Variants in AOC2 observed in about 807,000 individuals in gnomAD.
The protein encoded by AOC2 is amine oxidase [copper-containing] 2.
A neutral mutation model predicts 53.8 loss-of-function variants in AOC2; 57 were observed. The ratio of observed to expected loss-of-function variants is 1.06; its 90% confidence interval spans 0.86 to 1.32. The LOEUF is 1.32. AOC2 is among the 40% of genes most tolerant of loss of function. AOC2 has a pLI of 0.00. For synonymous variants in AOC2, 404 were observed against 399.0 expected (o/e 1.01, Z -0.15); for missense variants, 1,008 against 957.2 (o/e 1.05, Z -0.70).
At position 42,844,699 on chromosome 17, in the gene AOC2, C is replaced by T. The variant is rs1316883456; in HGVS notation, c.73C>T (p.Leu25=). Residue 25 remains leucine (L), a synonymous_variant, in exon 1 of 4, where the codon CTG becomes TTG. Transcript: ENST00000253799. ...CATCTTTGCCCTGGCCTATGTTTTG[C>T]TGACCAGCCCAGGTGGTTCCAGCCA... ...ITIFALAYVL[L]TSPGGSSQPP... 6.2e-7 allele frequency: 1 copy of T among 1,614,214 alleles called. No individual in the cohort carries two copies. The highest frequency in any genetic ancestry group is 8.5e-7 in the Non-Finnish European group (1 of 1,180,024).
chr17:42,846,842 G>C (rs1278872040), intron 1 of AOC2, among the ~76,000 whole-genome samples: 1 of 152,184 alleles, frequency 6.6e-6, no homozygotes, highest in Non-Finnish European at 1.5e-5. Flanking sequence ...AGCACACAGA[G>C]GACTTGCTGT....
At chr17:42,848,946 C>T in intron 1 of AOC2, 140 bp from the exon 2 acceptor site, 1 of 958,170 alleles carries the variant, frequency 1.0e-6, no homozygotes, top group Non-Finnish European at 1.5e-6. Context: ...GCCCAGACCT[C>T]CTGGCTCCCA....
chr17:42,844,992 C>T lies in AOC2; in HGVS notation c.366C>T (p.Ala122=), dbSNP rs1488655805. The change falls in exon 1 of 4, where the codon GCC becomes GCT. Residue 122 remains alanine (A), a synonymous_variant. Coordinates refer to ENST00000253799, the MANE Select transcript of AOC2 (RefSeq NM_009590.4). The stretch of plus-strand genomic sequence containing the variant: ...CCCCACCTGCCCGGGAGGCACTGGC[C>T]ATCGTCCTCTTTGGTGGACAACCCC... The part of the protein sequence containing the change: ...GSPPPAREAL[A]IVLFGGQPQP... The T allele has an allele frequency of 1.2e-6, 2 of 1,612,154 alleles. No homozygotes were observed. Among genetic ancestry groups the T allele is most frequent in the East Asian group, 4.5e-5 (2 of 44,834 alleles).
At chr17:42,848,976 T>C in intron 1 of AOC2, 110 bp from the exon 2 acceptor site, 1 of 1,182,786 alleles carries the variant, frequency 8.5e-7, no homozygotes, top group East Asian at 2.6e-5. Context: ...GCTCTGATGC[T>C]CTCTCTGCCT....
Position 42,849,184 on chromosome 17 carries a change from C to G in AOC2, c.1687C>G (p.Gln563Glu), listed in dbSNP as rs2055623567. ...HWLQRPQLTRQVLGKEDLTAF... is the reference protein window; with the variant it reads ...HWLQRPQLTREVLGKEDLTAF... ...GCTACAGCGCCCACAGCTGACTCGG[C>G]AGGTCCTGGGAAAGGAGGACCTGAC... The change falls in exon 2 of 4, where the codon CAG becomes GAG. Residue 563 changes from glutamine to glutamate, a missense_variant. Gln to Glu is a conservative substitution (Grantham distance 29). Transcript: ENST00000253799. 5.0e-6 allele frequency: 8 copies of G among 1,614,078 alleles called. No homozygotes were observed. The highest frequency in any genetic ancestry group is 6.8e-6 in the Non-Finnish European group (8 of 1,180,042).
intron 3 of AOC2, 67 bp from the exon 4 acceptor site, chr17:42,849,996 CTGAGACTGGAGGCTGGGAT>C: frequency 1.3e-6 from 2 of 1,535,500 alleles, no homozygotes; most frequent in Non-Finnish European, 1.8e-6. Context: ...GGAAGCCAGG[CTGAGACTGGAGGCTGGGAT>C]TGTGACTGAA....
intron 1 of AOC2, among the ~76,000 whole-genome samples, chr17:42,846,600 T>C (rs2055601505): frequency 6.7e-6 from 1 of 150,194 alleles, no homozygotes; most frequent in East Asian, 2.0e-4. Flanking sequence ...TCAGTAGGGG[T>C]GGGGAGGGCA....
At position 42,850,328 on chromosome 17, in the gene AOC2, T is replaced by G. The variant is rs752308610; in HGVS notation, c.2251T>G (p.Phe751Val). ...LAACVPDLPPFSYHGF is the reference protein window; with the variant it reads ...LAACVPDLPPVSYHGF ...AGCCTGTGTCCCGGACTTACCCCCT[T>G]TCTCTTACCACGGCTTCTAGTCCTG... is the stretch of plus-strand genomic sequence containing the variant. The change falls in exon 4 of 4, where the codon TTC (phenylalanine) becomes GTC (valine). Residue 751 changes from phenylalanine (F) to valine (V), a missense_variant. Coordinates refer to ENST00000253799, the MANE Select transcript of AOC2 (RefSeq NM_009590.4). 38 of 1,601,884 alleles carry G rather than the reference T, an allele frequency of 2.4e-5. 1 individual carries two copies. In the Admixed American group the frequency reaches 4.4e-4, roughly 18 times the overall value.
rs780748970 is a variant in AOC2, at chr17:42,845,519, C to T, written c.893C>T (p.Ser298Phe). ...CCAAATGGAGCTTCATCCCTGAGGT[C>T]TCGGAACTCTCCAGGTCCTCTTCCC... is the stretch of plus-strand genomic sequence containing the variant. ...PPPNGASSLR[S>F]RNSPGPLPPL... The change falls in exon 1 of 4, where the codon TCT (serine) becomes TTT (phenylalanine). Residue 298 changes from serine (S) to phenylalanine (F), a missense_variant. Physicochemically the swap from Ser to Phe is radical, Grantham distance 155. Coordinates refer to ENST00000253799, the MANE Select transcript of AOC2 (RefSeq NM_009590.4). 1 of 1,614,202 alleles carries T rather than the reference C, an allele frequency of 6.2e-7. No homozygotes were observed. The highest frequency in any genetic ancestry group is 1.7e-5 in the Admixed American group (1 of 60,016).
In AOC2 at chr17:42,845,478, A is replaced by G. The variant is rs760951214; in HGVS notation, c.852A>G (p.Arg284=). 6.2e-7 allele frequency: 1 copy of G among 1,614,106 alleles called. No individual in the cohort carries two copies. The highest frequency in any genetic ancestry group is 1.1e-5 in the South Asian group (1 of 91,072). The part of the protein sequence containing the change: ...EFKSGRLEVV[R]VPLPPPNGAS... Reference sequence around the variant, plus strand: ...AGTCTGGCCGGTTGGAAGTGGTTAGAGTCCCTCTACCTCCACCAAATGGAG... The same window carrying G: ...AGTCTGGCCGGTTGGAAGTGGTTAGGGTCCCTCTACCTCCACCAAATGGAG... Residue 284 remains arginine (R), a synonymous_variant, in exon 1 of 4, where the codon AGA becomes AGG. Transcript: ENST00000253799.
At chr17:42,849,040 GACCTT>G in intron 1 of AOC2, 41 bp from the exon 2 acceptor site, 10 of 1,561,344 alleles carry the variant, frequency 6.4e-6, no homozygotes, top group Non-Finnish European at 8.7e-6. Flanking sequence ...CTGGCCCAGA[GACCTT>G]ACCTGGTGTG....
rs1268189185 is a variant in AOC2, at chr17:42,845,789, A to C, written c.1163A>C (p.Asn388Thr). The change falls in exon 1 of 4, where the codon AAC (asparagine) becomes ACC (threonine). Residue 388 changes from asparagine (N) to threonine (T), a missense_variant. By Grantham distance (65) the Asn-to-Thr change is moderately conservative. Coordinates refer to ENST00000253799, the MANE Select transcript of AOC2 (RefSeq NM_009590.4). Reference protein sequence around the residue: ...YLDSSFGLGRNSRGLVRGVDC... With the variant: ...YLDSSFGLGRTSRGLVRGVDC... ...GATAGCAGCTTTGGACTCGGCCGTA[A>C]CAGCCGAGGCTTGGTGCGGGGAGTG... The C allele has an allele frequency of 6.2e-7, 1 of 1,614,070 alleles. No homozygotes were observed. Among genetic ancestry groups the C allele is most frequent in the African/African-American group, 1.3e-5 (1 of 74,902 alleles).
chr17:42,848,345 G>T (rs1307159079), intron 1 of AOC2, among the ~76,000 whole-genome samples: 2 of 151,326 alleles, frequency 1.3e-5, no homozygotes, highest in Non-Finnish European at 2.9e-5. Context: ...CCAGTGTAGG[G>T]ATTCAGAAAG....
Position 42,849,262 on chromosome 17 carries a change from C to T in AOC2, c.1765C>T (p.Gln589Ter). 1.2e-6 allele frequency: 2 copies of T among 1,614,236 alleles called. No homozygotes were observed. The highest frequency in any genetic ancestry group is 1.7e-6 in the Non-Finnish European group (2 of 1,180,042). ...LPRYLYLASN[Q>*]TNAWGHQRGY... is the part of the protein sequence containing the mutation. The stretch of plus-strand genomic sequence containing the variant: ...CCGCTACCTCTACCTGGCTAGCAAC[C>T]AGACTAATGCGTGGGGTCACCAGCG... The change falls in exon 2 of 4, where the codon CAG (glutamine) becomes TAG (stop). Residue 589 changes from glutamine to a stop codon, truncating the protein, a stop_gained. Coordinates refer to ENST00000253799, the MANE Select transcript of AOC2 (RefSeq NM_009590.4). LOFTEE classifies it high-confidence loss of function.
rs764016628 is a variant in AOC2, at chr17:42,849,682, C to G, written c.1956C>G (p.Pro652=). ...ATCACCAGAATGACATCTGGACACC[C>G]ACAGTTACCTTTGCTGACTTCATCA... ...SIYHQNDIWT[P]TVTFADFINN... is the part of the protein sequence containing the mutation. The change falls in exon 3 of 4, where the codon CCC becomes CCG. Residue 652 remains proline (P), a synonymous_variant. Coordinates refer to ENST00000253799, the MANE Select transcript of AOC2 (RefSeq NM_009590.4). 12 of 1,614,104 alleles carry G rather than the reference C, an allele frequency of 7.4e-6. No homozygotes were observed. The highest frequency in any genetic ancestry group is 1.0e-5 in the Non-Finnish European group (12 of 1,180,038).
Position 42,850,115 on chromosome 17 carries a change from C to T in AOC2, c.2038C>T (p.His680Tyr). The T allele has an allele frequency of 6.2e-7, 1 of 1,614,208 alleles. No homozygotes were observed. The highest frequency in any genetic ancestry group is 1.1e-5 in the South Asian group (1 of 91,084). The change falls in exon 4 of 4, where the codon CAC (histidine) becomes TAC (tyrosine). Residue 680 changes from histidine to tyrosine, a missense_variant. By Grantham distance (83) the His-to-Tyr change is moderately conservative. Transcript: ENST00000253799. ...LVAWVTASFL[H>Y]IPHAEDIPNT... ...GGCTTGGGTCACAGCCAGCTTCCTG[C>T]ACATTCCCCATGCCGAGGACATCCC...
chr17:42,845,475 T>G lies in AOC2; in HGVS notation c.849T>G (p.Val283=), dbSNP rs762673570. 3.1e-6 allele frequency: 5 copies of G among 1,614,112 alleles called. No individual in the cohort carries two copies. Among genetic ancestry groups the G allele is most frequent in the Non-Finnish European group, 8.5e-7 (1 of 1,180,014 alleles). The part of the protein sequence containing the change: ...REFKSGRLEV[V]RVPLPPPNGA... ...TTAAGTCTGGCCGGTTGGAAGTGGT[T>G]AGAGTCCCTCTACCTCCACCAAATG... Residue 283 remains valine (V), a synonymous_variant, in exon 1 of 4, where the codon GTT becomes GTG. Coordinates refer to ENST00000253799, the MANE Select transcript of AOC2 (RefSeq NM_009590.4).
chr17:42,848,565 A>T (rs1045464743), intron 1 of AOC2, among the ~76,000 whole-genome samples: 34 of 144,262 alleles, frequency 2.4e-4, no homozygotes, highest in Non-Finnish European at 3.6e-4. Context: ...ATATATATAT[A>T]TTTTAGACAG....
rs1401780050 is a variant in AOC2 at position 42,849,120 on chromosome 17, G to A, written c.1623G>A (p.Val541=). Reference sequence around the variant, plus strand: ...ACTGGGTGGTAGCTGAAGACGTGGTGTTTAAACCTGTGGCTGCCCCCTGGA... The same window carrying A: ...ACTGGGTGGTAGCTGAAGACGTGGTATTTAAACCTGTGGCTGCCCCCTGGA... ...LKNWVVAEDV[V]FKPVAAPWNP... Residue 541 remains valine (V), a synonymous_variant, in exon 2 of 4, where the codon GTG becomes GTA. Transcript: ENST00000253799. 1.9e-6 allele frequency: 3 copies of A among 1,613,782 alleles called. No homozygotes were observed. Among genetic ancestry groups the A allele is most frequent in the Non-Finnish European group, 2.5e-6 (3 of 1,179,856 alleles).
Sources: allele counts gnomAD v4.1 joint callset (sites outside exome capture counted in the v4.1 genomes callset), GRCh38; gene constraint gnomAD v4.1.1; transcripts MANE v1.5; gene names NCBI Gene and HGNC (gene_info 2026-07-23, HGNC 2026-07-21).